Variants in PPP2R1A observed in about 807,000 individuals in gnomAD.
PPP2R1A encodes protein phosphatase 2 scaffold subunit Aalpha, also known as serine/threonine-protein phosphatase 2A 65 kDa regulatory subunit A alpha isoform.
PPP2R1A carries 15 observed loss-of-function variants against 67.1 expected under a neutral mutation model. That is an observed-to-expected ratio of 0.22 (90% confidence interval 0.15 to 0.34). PPP2R1A has a LOEUF of 0.34. PPP2R1A is among the 10% of genes least tolerant of loss of function. The probability of loss-of-function intolerance (pLI) is 1.00; values close to 1 mark genes in which losing one functional copy is unlikely to be tolerated. For synonymous variants in PPP2R1A, 337 were observed against 325.0 expected (o/e 1.04, Z -0.40); for missense variants, 369 against 775.0 (o/e 0.48, Z 6.22).
chr19:52,215,883 C>T lies in PPP2R1A; in HGVS notation c.912C>T (p.His304=). ...CCGAGGTGAGGGCCGCAGCCTCCCA[C>T]AAGGTCAAAGGTTGGTGCTGGCAGC... ...CEAEVRAAAS[H]KVKEFCENLS... The change falls in exon 7 of 15, where the codon CAC becomes CAT. Residue 304 remains histidine, a synonymous_variant. Transcript: ENST00000322088. 6.2e-7 allele frequency: 1 copy of T among 1,614,052 alleles called. No individual in the cohort carries two copies. Among genetic ancestry groups the T allele is most frequent in the Middle Eastern group, 1.6e-4 (1 of 6,062 alleles).
chr19:52,221,085 C>T lies in PPP2R1A; in HGVS notation c.1470C>T (p.Ser490=), dbSNP rs187141962. Residue 490 remains serine (S), a synonymous_variant, in exon 12 of 15, where the codon TCC becomes TCT. Transcript: ENST00000322088. ...TCATCCCCAAGGTCTTGGCCATGTC[C>T]GGAGACCCCAACTACCTGCACCGCA... is the stretch of plus-strand genomic sequence containing the variant. ...ATIIPKVLAM[S]GDPNYLHRMT... 6.8e-6 allele frequency: 11 copies of T among 1,614,206 alleles called. No homozygotes were observed. The highest frequency in any genetic ancestry group is 2.2e-5 in the East Asian group (1 of 44,876).
chr19:52,217,387 G>T (rs1978641293), intron 9 of PPP2R1A, among the ~76,000 whole-genome samples: 1 of 152,138 alleles, frequency 6.6e-6, no homozygotes, highest in South Asian at 2.1e-4. Context: ...ATTTTCCATA[G>T]AGACAAGATA....
intron 12 of PPP2R1A, 92 bp from the exon 13 acceptor site, chr19:52,222,007 A>G (rs906024351): frequency 8.2e-6 from 11 of 1,345,054 alleles, no homozygotes; most frequent in Admixed American, 4.7e-5. Flanking sequence ...GTGGGGCCTG[A>G]TGATCACCAG....
intron 1 of PPP2R1A, among the ~76,000 whole-genome samples, chr19:52,190,619 C>T (rs1167848545): frequency 6.6e-6 from 1 of 152,160 alleles, no homozygotes; most frequent in Non-Finnish European, 1.5e-5. Flanking sequence ...GTTTCGACTG[C>T]TGGGCCAAGT....
At chr19:52,210,424 G>A (rs956353591) in intron 3 of PPP2R1A, among the ~76,000 whole-genome samples, 1 of 151,532 alleles carries the variant, frequency 6.6e-6, no homozygotes, top group South Asian at 2.1e-4. Flanking sequence ...TCAGGTTTTC[G>A]ATCCTGACCT....
At chr19:52,214,422 G>C (rs1479333201) in intron 6 of PPP2R1A, among the ~76,000 whole-genome samples, 1 of 152,156 alleles carries the variant, frequency 6.6e-6, no homozygotes, top group East Asian at 1.9e-4. Flanking sequence ...TCCCATCCTT[G>C]TCTCCTGAGC....
At position 52,211,669 on chromosome 19, in the gene PPP2R1A, C is replaced by T. The variant is rs1246211279; in HGVS notation, c.503+177C>T. 1.7e-5 allele frequency: 11 copies of T among 654,138 alleles called. No homozygotes were observed. Among genetic ancestry groups the T allele is most frequent in the East Asian group, 1.7e-4 (6 of 36,104 alleles). The allele number at this position is 654,138 out of a possible 1,614,324, so 40.5% of individuals were successfully genotyped here. A position where few individuals can be genotyped will look rare whatever the true frequency, so the allele number is the denominator to read the frequency against. ...GAGAGTTGGTCTCTGGACACGGCCA[C>T]GTGTCAGTTTACCCACCTCTGCCCC... On this transcript the variant is annotated intron_variant, in intron 4 of 14. Coordinates refer to ENST00000322088, the MANE Select transcript of PPP2R1A (RefSeq NM_014225.6). This position sits in a 1 kb window ranked among gnomAD's most constrained non-coding sequence, Gnocchi z 5.3.
intron 2 of PPP2R1A, among the ~76,000 whole-genome samples, chr19:52,203,856 T>C (rs1006735815): frequency 6.6e-6 from 1 of 152,192 alleles, no homozygotes; most frequent in African/African-American, 2.4e-5. Context: ...TTGATTAGGC[T>C]CATAGAACTC....
In PPP2R1A at chr19:52,212,624, C is replaced by T; in HGVS notation, c.504-62C>T. The T allele has an allele frequency of 6.3e-7, 1 of 1,578,842 alleles. No homozygotes were observed. The highest frequency in any genetic ancestry group is 2.2e-5 in the East Asian group (1 of 44,578). On this transcript the variant is annotated intron_variant, in intron 4 of 14. Transcript: ENST00000322088. The surrounding 1 kb of genome is among the most constrained non-coding windows in gnomAD (Gnocchi z 4.1). ...ACCTGGACCCACACAACTGCAGAGT[C>T]TGTGCTTGCTCCTCTCTGCCATACT...
chr19:52,215,247 A>G (rs1243299997), intron 6 of PPP2R1A, among the ~76,000 whole-genome samples: 2 of 151,840 alleles, frequency 1.3e-5, no homozygotes, highest in African/African-American at 4.8e-5. Context: ...TTGTAGAGTC[A>G]GGGTTTCACT....
intron 1 of PPP2R1A, 37 bp downstream of exon 1, chr19:52,190,211 G>A (rs1314559219): frequency 1.3e-6 from 2 of 1,540,996 alleles, no homozygotes; most frequent in Non-Finnish European, 8.8e-7. Context: ...AAGACGCGGA[G>A]GGGTACCTGG....
At chr19:52,190,869 T>C (rs574572830) in intron 1 of PPP2R1A, among the ~76,000 whole-genome samples, 289 of 152,244 alleles carry the variant, frequency 1.9e-3, no homozygotes, top group Non-Finnish European at 3.5e-3. Context: ...ATTTATTTCT[T>C]TTTTTTGAGA....
chr19:52,197,615 C>T (rs1364918040), intron 1 of PPP2R1A, among the ~76,000 whole-genome samples: 3 of 152,160 alleles, frequency 2.0e-5, no homozygotes, highest in African/African-American at 4.8e-5. Flanking sequence ...GTCAAGGCTA[C>T]AGTGAGCTAC....
intron 3 of PPP2R1A, among the ~76,000 whole-genome samples, chr19:52,208,779 G>A (rs187099133): frequency 2.6e-5 from 4 of 152,310 alleles, no homozygotes; most frequent in East Asian, 3.9e-4. Context: ...GATTACAGGC[G>A]TGAGCCACCG....
chr19:52,216,171 G>T lies in PPP2R1A; in HGVS notation c.993+97G>T. 2 of 1,379,588 alleles carry T rather than the reference G, an allele frequency of 1.4e-6. No homozygotes were observed. Among genetic ancestry groups the T allele is most frequent in the Non-Finnish European group, 2.0e-6 (2 of 982,526 alleles). 85.5% of individuals were successfully genotyped at this position (1,379,588 alleles called of 1,614,324 possible). On this transcript the variant is annotated intron_variant, in intron 8 of 14. Transcript: ENST00000322088. The surrounding 1 kb of genome is among the most constrained non-coding windows in gnomAD (Gnocchi z 4.3). ...TTGGGGATAGTCAGCTGCAAACTAGGTTCCCAGCCCTCTGGGACCAGGCAG... is the reference window on the plus strand; with the variant it reads ...TTGGGGATAGTCAGCTGCAAACTAGTTTCCCAGCCCTCTGGGACCAGGCAG...
At chr19:52,204,255 G>A (rs8103874) in intron 2 of PPP2R1A, among the ~76,000 whole-genome samples, 19,480 of 152,260 alleles carry the variant, frequency 0.13, 1,300 homozygotes, top group Non-Finnish European at 0.15. Flanking sequence ...AGTGACCACA[G>A]TATGTGAGAT....
At position 52,211,609 on chromosome 19, in the gene PPP2R1A, C is replaced by A; in HGVS notation, c.503+117C>A. On this transcript the variant is annotated intron_variant, in intron 4 of 14. Transcript: ENST00000322088. This position sits in a 1 kb window ranked among gnomAD's most constrained non-coding sequence, Gnocchi z 5.3. The stretch of plus-strand genomic sequence containing the variant: ...AAATGCCCCTGAACTCTCTCCACTC[C>A]CACTCCTGCTTACCACCTGATAGGC... The A allele has an allele frequency of 9.6e-7, 1 of 1,042,306 alleles. No individual in the cohort carries two copies. The highest frequency in any genetic ancestry group is 1.4e-6 in the Non-Finnish European group (1 of 726,548). 64.6% of individuals were successfully genotyped at this position (1,042,306 alleles called of 1,614,324 possible).
rs111743712 is a variant in PPP2R1A at position 52,213,523 on chromosome 19, A to G, written c.807+413A>G. Among the ~76,000 whole-genome samples the G allele has an allele frequency of 6.4e-3, 747 of 116,960 alleles. 11 individuals carry two copies. Among genetic ancestry groups the G allele is most frequent in the African/African-American group, 0.024 (699 of 29,650 alleles). 76.7% of individuals were successfully genotyped at this position (116,960 alleles called of 152,430 possible). A position where few individuals can be genotyped will look rare whatever the true frequency, so the allele number is the denominator to read the frequency against. On this transcript the variant is annotated intron_variant, in intron 6 of 14. Transcript: ENST00000322088. This position sits in a 1 kb window ranked among gnomAD's most constrained non-coding sequence, Gnocchi z 4.2. Reference sequence around the variant, plus strand: ...CTGTCGCCCAGGCTAGAGTCTTGTTACCCAGCTGGAGTGTGGTGGCGCAAT... The same window carrying G: ...CTGTCGCCCAGGCTAGAGTCTTGTTGCCCAGCTGGAGTGTGGTGGCGCAAT...
intron 2 of PPP2R1A, among the ~76,000 whole-genome samples, chr19:52,204,061 A>G (rs1351898434): frequency 1.3e-5 from 2 of 152,170 alleles, no homozygotes; most frequent in African/African-American, 2.4e-5. Context: ...TGGAAGCTTA[A>G]TGGCAGAGGG....
Sources: allele counts gnomAD v4.1 joint callset (sites outside exome capture counted in the v4.1 genomes callset), GRCh38; gene constraint gnomAD v4.1.1; non-coding constraint Gnocchi (gnomAD v3.1); transcripts MANE v1.5; gene names NCBI Gene and HGNC (gene_info 2026-07-23, HGNC 2026-07-21).